The following ACADS variants were observed in gnomAD, a reference collection of about 807,000 sequenced individuals.
ACADS encodes acyl-CoA dehydrogenase short chain.
Under a neutral mutation model 46.8 loss-of-function variants are expected in ACADS, and 28 were observed. The ratio of observed to expected loss-of-function variants is 0.60; its 90% CI spans 0.44 to 0.82. The LOEUF (loss-of-function observed/expected upper bound fraction) is 0.82. Ranked by LOEUF, ACADS falls within the 40% of genes least tolerant of loss-of-function variation. ACADS has a pLI of 0.00. For missense variants in ACADS, 528 were observed against 578.0 expected (o/e 0.91, Z 0.89); for synonymous variants, 236 against 237.7 (o/e 0.99, Z 0.07).
At chr12:120,732,454 T>C (rs34346357) in intron 2 of ACADS, among the ~76,000 whole-genome samples, 65,582 of 147,190 alleles carry the variant, frequency 0.45, 16,099 homozygotes, top group African/African-American at 0.68. Context: ...GCAGAGGGGC[T>C]CCTCACTTCT....
chr12:120,725,868 G>A lies in ACADS; in HGVS notation c.-18G>A, dbSNP rs1322824706. 5 of 1,545,956 alleles carry A rather than the reference G, an allele frequency of 3.2e-6. No individual in the cohort carries two copies. Among genetic ancestry groups the A allele is most frequent in the South Asian group, 2.4e-5 (2 of 84,636 alleles). ...TCGCAGCGGGAGGTCGCGAAGCCTG[G>A]GACTGTGTCTGTCGCCCATGGCCGC... On this transcript the variant is annotated 5_prime_UTR_variant, in exon 1 of 10. Coordinates refer to ENST00000242592, the MANE Select transcript of ACADS (RefSeq NM_000017.4).
rs1883165783 is a variant in ACADS at position 120,728,853 on chromosome 12, G to A, written c.210+1664G>A. Among the ~76,000 whole-genome samples, 1 of 152,210 alleles carries A rather than the reference G, an allele frequency of 6.6e-6. No individual in the cohort carries two copies. Among genetic ancestry groups the A allele is most frequent in the Non-Finnish European group, 1.5e-5 (1 of 68,040 alleles). ...GACGTAAAACATTGTTTTTATATGA[G>A]GGACCCACTAACCGTTTCCCAGATA... is the stretch of plus-strand genomic sequence containing the variant. On this transcript the variant is annotated intron_variant, in intron 2 of 9. Transcript: ENST00000242592. The surrounding 1 kb of genome is among the most constrained non-coding windows in gnomAD (Gnocchi z 4.0).
At chr12:120,726,175 C>T (rs1883077788) in intron 1 of ACADS, among the ~76,000 whole-genome samples, 2 of 151,572 alleles carry the variant, frequency 1.3e-5, no homozygotes, top group Non-Finnish European at 2.9e-5. Flanking sequence ...GTTCCCAGTT[C>T]CCATATCTCC....
Position 120,727,041 on chromosome 12 carries a change from C to T in ACADS, c.62C>T (p.Ala21Val), listed in dbSNP as rs1027993982. Residue 21 changes from alanine (A) to valine (V), a missense_variant, in exon 2 of 10, where the codon GCC becomes GTC. Physicochemically the swap from Ala to Val is moderately conservative, Grantham distance 64 (BLOSUM62 0). Transcript: ENST00000242592. ...GPARRALCPR[A>V]WRQLHTIYQS... ...TTGCCGGCAGCTCTCTGTCCTAGGG[C>T]CTGGCGGCAGTTACACACCATCTAC... The T allele has an allele frequency of 6.2e-7, 1 of 1,614,062 alleles. No homozygotes were observed. Among genetic ancestry groups the T allele is most frequent in the African/African-American group, 1.3e-5 (1 of 74,926 alleles).
At chr12:120,737,738 G>A (rs981166595) in intron 4 of ACADS, 99 bp from the exon 5 acceptor site, 2 of 1,551,046 alleles carry the variant, frequency 1.3e-6, no homozygotes, top group Admixed American at 1.7e-5. Context: ...CGAGTCATAG[G>A]GTTTCGTGTC....
intron 2 of ACADS, among the ~76,000 whole-genome samples, chr12:120,732,291 GCGGCTGGCCGGGCGGGGGCTGCCCCC>G (rs1883274202): frequency 2.0e-5 from 3 of 150,426 alleles, no homozygotes; most frequent in Middle Eastern, 3.4e-3. Context: ...CCCGGACGGG[GCGGCTGGCCGGGCGGGGGCTGCCCCC>G]AACCTCCCTC....
chr12:120,737,260 TAGGCCCTGGACAGAAC>T, intron 3 of ACADS, 80 bp from the exon 4 acceptor site: 1 of 1,530,018 alleles, frequency 6.5e-7, no homozygotes, highest in Non-Finnish European at 8.9e-7. Flanking sequence ...TCCTACTGGG[TAGGCCCTGGACAGAAC>T]AGGCCCTGAG....
At chr12:120,736,031 G>C (rs1280025407) in intron 2 of ACADS, among the ~76,000 whole-genome samples, 2 of 149,490 alleles carry the variant, frequency 1.3e-5, no homozygotes, top group Non-Finnish European at 2.9e-5. Flanking sequence ...CCCCGTCCCT[G>C]TCCCTGTCCC....
intron 2 of ACADS, among the ~76,000 whole-genome samples, chr12:120,733,072 A>G (rs1883312613): frequency 6.6e-6 from 1 of 152,084 alleles, no homozygotes; most frequent in Non-Finnish European, 1.5e-5. Context: ...AAATACGAAA[A>G]CCAGTCAGGC....
chr12:120,738,074 A>C (rs1302789665), intron 5 of ACADS, 86 bp downstream of exon 5: 9 of 1,598,464 alleles, frequency 5.6e-6, no homozygotes, highest in Admixed American at 1.7e-5. Flanking sequence ...GCCCGACTGG[A>C]CCTATTTTTG....
chr12:120,726,554 G>T (rs952423557), intron 1 of ACADS, among the ~76,000 whole-genome samples: 6 of 152,198 alleles, frequency 3.9e-5, no homozygotes, highest in African/African-American at 7.2e-5. Flanking sequence ...TTAAGCGCTA[G>T]TTAGTCTTTC....
rs1566028686 is a variant in ACADS, at chr12:120,739,136, T to G, written c.1030-4T>G. On this transcript the variant is annotated splice_region_variant and splice_polypyrimidine_tract_variant and intron_variant, in intron 8 of 9. Coordinates refer to ENST00000242592, the MANE Select transcript of ACADS (RefSeq NM_000017.4). ...GAAGGCTCTGACTGTACCCCCATGT[T>G]TAGGAGGCAGCCATGGCCAAGCTGG... The G allele has an allele frequency of 6.2e-7, 1 of 1,612,976 alleles. No homozygotes were observed. The highest frequency in any genetic ancestry group is 2.2e-5 in the East Asian group (1 of 44,868).
Position 120,733,289 on chromosome 12 carries a change from C to T in ACADS, c.211-3697C>T, listed in dbSNP as rs373622364. 1.2e-3 allele frequency among the ~76,000 whole-genome samples: 180 copies of T among 149,636 alleles called. 1 individual carries two copies. Among genetic ancestry groups the T allele is most frequent in the African/African-American group, 4.0e-3 (162 of 40,570 alleles). On this transcript the variant is annotated intron_variant, in intron 2 of 9. Coordinates refer to ENST00000242592, the MANE Select transcript of ACADS (RefSeq NM_000017.4). ...AGAATCCTTGTATTTTTAGTAGAGA[C>T]GGGGTTTTACCATGTTGGCCAGGCT... is the stretch of plus-strand genomic sequence containing the variant.
At chr12:120,735,383 C>T (rs1002871530) in intron 2 of ACADS, among the ~76,000 whole-genome samples, 4 of 139,196 alleles carry the variant, frequency 2.9e-5, no homozygotes, top group African/African-American at 1.1e-4. Flanking sequence ...AACAACTTGG[C>T]AGCCACTTGA....
At chr12:120,731,247 G>A (rs1883237364) in intron 2 of ACADS, among the ~76,000 whole-genome samples, 1 of 152,036 alleles carries the variant, frequency 6.6e-6, no homozygotes, top group Non-Finnish European at 1.5e-5. Context: ...TTACAGGCCT[G>A]AGCTACCACA....
chr12:120,725,867 G>T lies in ACADS; in HGVS notation c.-19G>T. Reference sequence around the variant, plus strand: ...CTCGCAGCGGGAGGTCGCGAAGCCTGGGACTGTGTCTGTCGCCCATGGCCG... The same window carrying T: ...CTCGCAGCGGGAGGTCGCGAAGCCTTGGACTGTGTCTGTCGCCCATGGCCG... On this transcript the variant is annotated 5_prime_UTR_variant, in exon 1 of 10. Transcript: ENST00000242592. 6.5e-7 allele frequency: 1 copy of T among 1,545,300 alleles called. No homozygotes were observed. Among genetic ancestry groups the T allele is most frequent in the East Asian group, 2.4e-5 (1 of 41,280 alleles).
rs1486132078 is a variant in ACADS at position 120,735,945 on chromosome 12, T to A, written c.211-1041T>A. ...AAATAAAATAACATGTTTGCAGGAA[T>A]GAGATTGTATAAAAGGGCTCGTGAA... On this transcript the variant is annotated intron_variant, in intron 2 of 9. Transcript: ENST00000242592. Among the ~76,000 whole-genome samples the A allele has an allele frequency of 2.0e-5, 3 of 148,074 alleles. No homozygotes were observed. In the East Asian group the frequency reaches 8.9e-4, roughly 44 times the overall value.
Position 120,739,152 on chromosome 12 carries a change from G to T in ACADS, c.1042G>T (p.Ala348Ser). The T allele has an allele frequency of 6.2e-7, 1 of 1,613,066 alleles. No individual in the cohort carries two copies. The highest frequency in any genetic ancestry group is 8.5e-7 in the Non-Finnish European group (1 of 1,179,998). Reference protein sequence around the residue: ...KKPFIKEAAMAKLAASEAATA... With the variant: ...KKPFIKEAAMSKLAASEAATA... ...CCCCCATGTTTAGGAGGCAGCCATG[G>T]CCAAGCTGGCCGCCTCGGAGGCCGC... Residue 348 changes from alanine to serine, a missense_variant, in exon 9 of 10, where the codon GCC (alanine) becomes TCC (serine). Ala to Ser is a moderately conservative substitution (Grantham distance 99). Coordinates refer to ENST00000242592, the MANE Select transcript of ACADS (RefSeq NM_000017.4).
chr12:120,732,528 C>G (rs1393650781), intron 2 of ACADS, among the ~76,000 whole-genome samples: 1 of 149,812 alleles, frequency 6.7e-6, no homozygotes, highest in African/African-American at 2.5e-5. Flanking sequence ...CAGAGACACT[C>G]CTCACCTCCC....
Sources: gnomAD v4.1 joint callset for allele counts (sites outside exome capture counted in the v4.1 genomes callset) on GRCh38, gnomAD v4.1.1 for gene constraint, Gnocchi (gnomAD v3.1) non-coding constraint, MANE v1.5 for transcripts, NCBI Gene and HGNC (gene_info 2026-07-23, HGNC 2026-07-21) for gene names.